Variants in XYLT1 observed in about 807,000 individuals in gnomAD.
XYLT1 encodes beta-D-xylosyltransferase 1.
A neutral mutation model predicts 91.3 loss-of-function variants in XYLT1; 36 were observed. The ratio of observed to expected loss-of-function variants is 0.39; its 90% CI spans 0.30 to 0.52. XYLT1 has a LOEUF of 0.52. Among genes scored for constraint, XYLT1 ranks in the 20% least tolerant of loss-of-function variants. XYLT1 has a pLI of 0.68. For synonymous variants in XYLT1, 588 were observed against 532.0 expected, an observed-to-expected ratio of 1.11 and a Z score of -1.45; for missense variants, 1,242 against 1,284.5, an observed-to-expected ratio of 0.97 and a Z score of 0.51.
At chr16:17,294,308 G>A (rs2034278564) in intron 2 of XYLT1, among the ~76,000 whole-genome samples, 1 of 152,174 alleles carries the variant, frequency 6.6e-6, no homozygotes, top group Non-Finnish European at 1.5e-5. Flanking sequence ...GCATCTCTCA[G>A]GCTGTTTCTA....
At chr16:17,147,732 G>A (rs946649112) in intron 6 of XYLT1, among the ~76,000 whole-genome samples, 1 of 152,172 alleles carries the variant, frequency 6.6e-6, no homozygotes, top group Non-Finnish European at 1.5e-5. Context: ...TACCAGGGGA[G>A]AGGCATCAGC....
chr16:17,251,047 T>G (rs2033530367), intron 3 of XYLT1: 1 of 152,218 alleles, frequency 6.6e-6, no homozygotes, highest in African/African-American at 2.4e-5. Flanking sequence ...AGCTACGCTT[T>G]CTAGAAGCCG....
intron 1 of XYLT1, among the ~76,000 whole-genome samples, chr16:17,400,750 A>G (rs1468523652): frequency 3.3e-5 from 5 of 152,162 alleles, no homozygotes; most frequent in African/African-American, 1.2e-4. Context: ...TCAGCTTGTA[A>G]TGAAAGCCAC....
intron 5 of XYLT1, among the ~76,000 whole-genome samples, chr16:17,192,689 C>T (rs2032342198): frequency 6.6e-6 from 1 of 152,146 alleles, no homozygotes; most frequent in South Asian, 2.1e-4. Context: ...CACCTAGAGT[C>T]TCTAAACACT....
At chr16:17,239,420 GATCC>G (rs1018385904) in intron 3 of XYLT1, among the ~76,000 whole-genome samples, 9 of 118,064 alleles carry the variant, frequency 7.6e-5, no homozygotes, top group African/African-American at 2.7e-4. Flanking sequence ...ATCCATCCAT[GATCC>G]ATCCATCCAT....
At position 17,116,406 on chromosome 16, in the gene XYLT1, T is replaced by C. The variant is rs111562339; in HGVS notation, c.2557+1240A>G. 5.7e-3 allele frequency among the ~76,000 whole-genome samples: 869 copies of C among 152,344 alleles called. 10 individuals carry two copies. The highest frequency in any genetic ancestry group is 0.02 in the African/African-American group (823 of 41,580). On this transcript the variant is annotated intron_variant, in intron 11 of 11. Transcript: ENST00000261381. ...TAAGATATTGTTGACTTTGCCTGTTTTTGAACTTGACATAAATACATCATA... is the reference window on the plus strand; with the variant it reads ...TAAGATATTGTTGACTTTGCCTGTTCTTGAACTTGACATAAATACATCATA...
intron 1 of XYLT1, among the ~76,000 whole-genome samples, chr16:17,391,888 T>C (rs1327660693): frequency 6.6e-6 from 1 of 152,218 alleles, no homozygotes; most frequent in Non-Finnish European, 1.5e-5. Flanking sequence ...GCTCTTATTC[T>C]CTGTTGCCTG....
intron 2 of XYLT1, among the ~76,000 whole-genome samples, chr16:17,295,326 G>C (rs1168777862): frequency 2.4e-5 from 3 of 123,400 alleles, no homozygotes; most frequent in African/African-American, 1.2e-4. Flanking sequence ...GCATTATAGA[G>C]CCAGGTTTTT....
intron 2 of XYLT1, among the ~76,000 whole-genome samples, chr16:17,281,859 G>A (rs540539708): frequency 2.6e-4 from 40 of 152,304 alleles, no homozygotes; most frequent in African/African-American, 9.6e-4. Context: ...CAGTCCCTCT[G>A]GTCCCTTATC....
At chr16:17,316,852 C>T (rs1237302613) in intron 2 of XYLT1, among the ~76,000 whole-genome samples, 2 of 147,594 alleles carry the variant, frequency 1.4e-5, no homozygotes, top group Non-Finnish European at 3.0e-5. Flanking sequence ...GACGGAGTCT[C>T]GCTCTGTCGC....
At chr16:17,138,233 T>C (rs1025467957) in intron 8 of XYLT1, 122 bp downstream of exon 8, 29 of 951,068 alleles carry the variant, frequency 3.0e-5, no homozygotes, top group Middle Eastern at 3.5e-4. Flanking sequence ...TATTATTAAT[T>C]ATCAACAGCC....
chr16:17,246,403 C>T (rs2033436447), intron 3 of XYLT1, among the ~76,000 whole-genome samples: 1 of 152,154 alleles, frequency 6.6e-6, no homozygotes, highest in Non-Finnish European at 1.5e-5. Context: ...GATTAACATG[C>T]AGTGCATTTT....
intron 6 of XYLT1, among the ~76,000 whole-genome samples, chr16:17,149,642 A>G (rs1206064657): frequency 6.6e-6 from 1 of 152,214 alleles, no homozygotes; most frequent in Non-Finnish European, 1.5e-5. Context: ...GCTCTCAGGA[A>G]AGGGCAGTTT....
intron 1 of XYLT1, among the ~76,000 whole-genome samples, chr16:17,383,339 C>A (rs1229333097): frequency 6.6e-6 from 1 of 151,846 alleles, no homozygotes; most frequent in Non-Finnish European, 1.5e-5. Context: ...CCTTTCCTGA[C>A]CTCCGAAGAT....
intron 1 of XYLT1, among the ~76,000 whole-genome samples, chr16:17,454,910 C>CCG (rs2036719011): frequency 1.4e-5 from 1 of 71,254 alleles, no homozygotes; most frequent in African/African-American, 8.8e-5. Flanking sequence ...TCCTCCCCCC[C>CCG]CCGCCCCCCC....
At chr16:17,188,732 T>C (rs939371460) in intron 5 of XYLT1, among the ~76,000 whole-genome samples, 10 of 152,222 alleles carry the variant, frequency 6.6e-5, no homozygotes, top group African/African-American at 2.4e-4. Context: ...ACCATGGCTA[T>C]CACATGGATA....
intron 3 of XYLT1, among the ~76,000 whole-genome samples, chr16:17,233,896 C>T (rs1045182143): frequency 1.3e-5 from 2 of 152,118 alleles, no homozygotes; most frequent in African/African-American, 2.4e-5. Context: ...CCTGGTTAAG[C>T]GCACGTGCTT....
In XYLT1 at chr16:17,105,548, G is replaced by C. The variant is rs2141472786; in HGVS notation, c.*3147C>G. 6.6e-6 allele frequency: 1 copy of C among 152,324 alleles called. No individual in the cohort carries two copies. The highest frequency in any genetic ancestry group is 1.9e-4 in the East Asian group (1 of 5,170). The allele number at this position is 152,324 out of a possible 1,614,324, so 9.4% of individuals were successfully genotyped here. Reference sequence around the variant, plus strand: ...TGGACCGGGAAGTGAAGTGGGATGTGGGAAGGCTGGCTGTCTCCTGAGCTC... The same window carrying C: ...TGGACCGGGAAGTGAAGTGGGATGTCGGAAGGCTGGCTGTCTCCTGAGCTC... On this transcript the variant is annotated 3_prime_UTR_variant, in exon 12 of 12. Coordinates refer to ENST00000261381, the MANE Select transcript of XYLT1 (RefSeq NM_022166.4).
rs558127234 is a variant in XYLT1, at chr16:17,399,322, T to G, written c.364-41272A>C. ...AGACCTGGGTTCTCCCTGGCCTTTC[T>G]GGGCAGAATGAGAGTCCCCAGAGGT... On this transcript the variant is annotated intron_variant, in intron 1 of 11. Coordinates refer to ENST00000261381, the MANE Select transcript of XYLT1 (RefSeq NM_022166.4). Among the ~76,000 whole-genome samples, 3 of 152,268 alleles carry G rather than the reference T, an allele frequency of 2.0e-5. No individual in the cohort carries two copies. In the East Asian group the frequency reaches 5.8e-4, roughly 29 times the overall value.
Sources: gnomAD v4.1 joint callset for allele counts (sites outside exome capture counted in the v4.1 genomes callset) on GRCh38, gnomAD v4.1.1 for gene constraint, MANE v1.5 for transcripts, NCBI Gene and HGNC (gene_info 2026-07-23, HGNC 2026-07-21) for gene names.